COXFA4L2: variants seen among roughly 807,000 people sequenced by gnomAD.
COXFA4L2 encodes cytochrome c oxidase hypoxia associated subunit FA4L2.
chr12:57,236,729 G>T, the COXFA4L2 span: 25 of 1,489,824 alleles, frequency 1.7e-5, no homozygotes, highest in African/African-American at 3.3e-4. Flanking sequence ...TCTCCCCGCA[G>T]TTCCCAGTCA....
chr12:57,240,583 G>T, the COXFA4L2 span: 1 of 809,012 alleles, frequency 1.2e-6, no homozygotes, highest in Non-Finnish European at 1.5e-6. Context: ...ACACACACTC[G>T]CGCGCGCACG....
At chr12:57,237,712 A>G in the COXFA4L2 span, 1 of 155,622 alleles carries the variant, frequency 6.4e-6, no homozygotes, top group Non-Finnish European at 1.4e-5. Context: ...AACCAGGTGT[A>G]TGTTAATCAT....
the COXFA4L2 span, chr12:57,235,369 A>T: frequency 1.6e-6 from 1 of 641,722 alleles, no homozygotes; most frequent in South Asian, 1.8e-5. Flanking sequence ...CAAGGGTCAG[A>T]GGCGCTTCCG....
chr12:57,237,442 G>A, the COXFA4L2 span: 16 of 924,584 alleles, frequency 1.7e-5, no homozygotes, highest in Non-Finnish European at 2.1e-5. Context: ...CATGGGACAG[G>A]CACTTAGCAA....
At chr12:57,235,897 G>A in the COXFA4L2 span, 1 of 1,265,150 alleles carries the variant, frequency 7.9e-7, no homozygotes, top group African/African-American at 1.5e-5. Context: ...TCCACCCGGA[G>A]GCTCTGGCCC....
At chr12:57,237,061 G>A in the COXFA4L2 span, 220 of 1,614,182 alleles carry the variant, frequency 1.4e-4, no homozygotes, top group African/African-American at 1.7e-3. Flanking sequence ...CGGTAGAAGC[G>A]GGCCCCAAGA....
chr12:57,238,048 G>C, the COXFA4L2 span: 1 of 152,356 alleles, frequency 6.6e-6, no homozygotes, highest in African/African-American at 2.4e-5. The surrounding 1 kb of genome is among the most constrained non-coding windows in gnomAD (Gnocchi z 6.8). Context: ...TCTTAGGGAC[G>C]TAGGAACCGA....
At chr12:57,236,143 T>G in the COXFA4L2 span, 1 of 342,800 alleles carries the variant, frequency 2.9e-6, no homozygotes, top group East Asian at 4.5e-5. Flanking sequence ...GGGGCTGGGT[T>G]TCTGGTGATG....
At chr12:57,237,552 G>C in the COXFA4L2 span, among the ~76,000 whole-genome samples, 23 of 152,318 alleles carry the variant, frequency 1.5e-4, no homozygotes, top group African/African-American at 5.1e-4. Flanking sequence ...GTCCAGGAGC[G>C]GGTCCTGAGA....
chr12:57,236,582 C>T, the COXFA4L2 span: 38 of 1,570,522 alleles, frequency 2.4e-5, no homozygotes, highest in Non-Finnish European at 2.9e-5. Flanking sequence ...CATCCCAAGC[C>T]GTGCCTTTAC....
At chr12:57,240,726 C>G in the COXFA4L2 span, 1 of 985,510 alleles carries the variant, frequency 1.0e-6, no homozygotes, top group Non-Finnish European at 1.2e-6. Context: ...CTGGCTCTTC[C>G]TGATTTTCAC....
the COXFA4L2 span, chr12:57,236,649 G>T: frequency 6.3e-7 from 1 of 1,578,812 alleles, no homozygotes; most frequent in Admixed American, 1.9e-5. Context: ...CGCTGCCCAT[G>T]CCCAGGCAGA....
the COXFA4L2 span, chr12:57,236,449 C>T: frequency 1.5e-6 from 1 of 648,694 alleles, no homozygotes; most frequent in Admixed American, 3.6e-5. Flanking sequence ...TCTCCCAGGT[C>T]AGCAGTGGGC....
the COXFA4L2 span, chr12:57,237,396 G>T: frequency 7.7e-7 from 1 of 1,302,426 alleles, no homozygotes; most frequent in Non-Finnish European, 9.9e-7. Context: ...GACCTCAGTG[G>T]CATAGGACCC....
chr12:57,235,544 A>G, the COXFA4L2 span: 5 of 1,612,026 alleles, frequency 3.1e-6, no homozygotes, highest in Non-Finnish European at 4.2e-6. Context: ...CTTGCATGGC[A>G]CTGGCAGCCC....
the COXFA4L2 span, among the ~76,000 whole-genome samples, chr12:57,238,114 C>G: frequency 6.6e-6 from 1 of 152,172 alleles, no homozygotes; most frequent in Non-Finnish European, 1.5e-5. This position sits in a 1 kb window ranked among gnomAD's most constrained non-coding sequence, Gnocchi z 6.8. Flanking sequence ...TCCCTCCTCG[C>G]AGCCGATCCT....
the COXFA4L2 span, chr12:57,236,945 G>C: frequency 6.4e-7 from 1 of 1,566,390 alleles, no homozygotes; most frequent in Non-Finnish European, 8.8e-7. Context: ...AGGGACCTGG[G>C]CACAAGGCAA....
At chr12:57,239,854 T>G in the COXFA4L2 span, 1 of 152,704 alleles carries the variant, frequency 6.5e-6, no homozygotes, top group African/African-American at 2.4e-5. The surrounding 1 kb of genome is among the most constrained non-coding windows in gnomAD (Gnocchi z 5.5). Flanking sequence ...CCTCTCTTTG[T>G]CTCTGTCTTT....
chr12:57,240,393 T>G, the COXFA4L2 span: 1 of 152,296 alleles, frequency 6.6e-6, no homozygotes, highest in Admixed American at 6.5e-5. Context: ...AGAGGGCCGC[T>G]GGGCGAGCGG....
Sources: gnomAD v4.1 joint callset for allele counts (sites outside exome capture counted in the v4.1 genomes callset) on GRCh38, gnomAD v4.1.1 for gene constraint, Gnocchi (gnomAD v3.1) non-coding constraint, MANE v1.5 for transcripts, NCBI Gene and HGNC (gene_info 2026-07-23, HGNC 2026-07-21) for gene names.